The following KATNAL1 variants were observed in gnomAD, a reference collection of about 807,000 sequenced individuals.
KATNAL1 encodes the protein katanin p60 ATPase-containing subunit A-like 1.
In KATNAL1, 32 loss-of-function variants were observed where a neutral mutation model predicts 55.2. The observed-to-expected ratio is 0.58, with a 90% confidence interval of 0.44 to 0.78. The LOEUF is 0.78. Among genes scored for constraint, KATNAL1 ranks in the 30% least tolerant of loss-of-function variants. The pLI, the probability that KATNAL1 is intolerant of heterozygous loss-of-function variation, is 0.00. For synonymous variants in KATNAL1, 193 were observed against 193.6 expected, an observed-to-expected ratio of 1.00 and a Z score of 0.02; for missense variants, 466 against 600.9, an observed-to-expected ratio of 0.78 and a Z score of 2.35.
intron 9 of KATNAL1, among the ~76,000 whole-genome samples, chr13:30,224,490 T>G (rs1238689997): frequency 6.6e-6 from 1 of 151,022 alleles, no homozygotes; most frequent in East Asian, 1.9e-4. Flanking sequence ...GCTAAGATCA[T>G]GCCACTGAAC....
intron 6 of KATNAL1, among the ~76,000 whole-genome samples, chr13:30,233,226 CCAGAACA>C (rs2137401778): frequency 6.6e-6 from 1 of 152,234 alleles, no homozygotes; most frequent in South Asian, 2.1e-4. Context: ...GGATTAGTAA[CCAGAACA>C]CATAAGCAGC....
At chr13:30,262,676 T>C (rs1300271585) in intron 3 of KATNAL1, among the ~76,000 whole-genome samples, 8 of 151,834 alleles carry the variant, frequency 5.3e-5, no homozygotes, top group South Asian at 2.1e-4. Flanking sequence ...CAGGAAGAAG[T>C]TGAATCTCTG....
intron 3 of KATNAL1, among the ~76,000 whole-genome samples, chr13:30,274,907 G>GCGCA (rs869107567): frequency 0.01 from 1,104 of 105,372 alleles, 7 homozygotes; most frequent in East Asian, 0.027. Context: ...GCGCGCGCGC[G>GCGCA]CACACACACA....
At chr13:30,270,030 G>A (rs1177085342) in intron 3 of KATNAL1, among the ~76,000 whole-genome samples, 4 of 125,896 alleles carry the variant, frequency 3.2e-5, no homozygotes, top group Admixed American at 1.5e-4. Context: ...AGGTGGGGGT[G>A]TCAGCCCCCC....
intron 4 of KATNAL1, among the ~76,000 whole-genome samples, chr13:30,252,432 T>C (rs1878405631): frequency 6.6e-6 from 1 of 152,098 alleles, no homozygotes; most frequent in African/African-American, 2.4e-5. Flanking sequence ...TTATCCTCAA[T>C]TTTTTTTACA....
At chr13:30,255,189 G>A (rs755222479) in intron 4 of KATNAL1, among the ~76,000 whole-genome samples, 11 of 151,848 alleles carry the variant, frequency 7.2e-5, no homozygotes, top group East Asian at 1.9e-4. Flanking sequence ...TTTTAAAGCC[G>A]TATTTTTTCT....
intron 3 of KATNAL1, among the ~76,000 whole-genome samples, chr13:30,275,861 A>G (rs1880802522): frequency 6.6e-6 from 1 of 152,182 alleles, no homozygotes; most frequent in African/African-American, 2.4e-5. Context: ...ATACCTCAAT[A>G]AAGTTGGGGG....
chr13:30,265,594 T>C (rs75174496), intron 3 of KATNAL1, among the ~76,000 whole-genome samples: 3,458 of 152,104 alleles, frequency 0.023, 69 homozygotes, highest in Non-Finnish European at 0.035. Flanking sequence ...ATTCAACTTA[T>C]TAAATTTAAC....
At chr13:30,210,629 C>G in intron 9 of KATNAL1, 187 bp from the exon 10 acceptor site, 1 of 232,972 alleles carries the variant, frequency 4.3e-6, no homozygotes, top group East Asian at 7.8e-5. Flanking sequence ...CTATGTGCCT[C>G]TGTTGCAGTA....
Position 30,205,750 on chromosome 13 carries a change from C to CTGTGTGTGTGTGTG in KATNAL1, c.*2776_*2789dup, listed in dbSNP as rs143277319. ...AACACACTGTCTTCTGCAATAAAGA[C>CTGTGTGTGTGTGTG]TGTGTGTGTGTGTGTGTGTGTGTGT... is the stretch of plus-strand genomic sequence containing the variant. On this transcript the variant is annotated 3_prime_UTR_variant, in exon 11 of 11. Transcript: ENST00000380615. The CTGTGTGTGTGTGTG allele has an allele frequency of 3.6e-5, 5 of 137,402 alleles. No homozygotes were observed. The highest frequency in any genetic ancestry group is 7.8e-5 in the Non-Finnish European group (5 of 64,246). The allele number at this position is 137,402 out of a possible 1,614,324, so 8.5% of individuals were successfully genotyped here. A position where few individuals can be genotyped will look rare whatever the true frequency, so the allele number is the denominator to read the frequency against.
intron 4 of KATNAL1, among the ~76,000 whole-genome samples, chr13:30,243,948 T>C (rs778016566): frequency 1.6e-4 from 24 of 152,170 alleles, no homozygotes; most frequent in Non-Finnish European, 3.1e-4. Context: ...TTTTAAATTA[T>C]ACTTTAAGTT....
chr13:30,241,097 GT>G lies in KATNAL1; in HGVS notation c.493-12del, dbSNP rs1488284890. ...CATATTCTTCCTTCCCTGGGGATAGGTATAAAAAAAAAGTACTAGTCAGTAA... is the reference window on the plus strand; with the variant it reads ...CATATTCTTCCTTCCCTGGGGATAGGATAAAAAAAAAGTACTAGTCAGTAA... On this transcript the variant is annotated splice_polypyrimidine_tract_variant and intron_variant, in intron 4 of 10. Coordinates refer to ENST00000380615, the MANE Select transcript of KATNAL1 (RefSeq NM_032116.5). 1 of 1,605,558 alleles carries G rather than the reference GT, an allele frequency of 6.2e-7. No homozygotes were observed. The highest frequency in any genetic ancestry group is 2.2e-5 in the East Asian group (1 of 44,770).
chr13:30,282,675 C>T (rs2137535911), intron 2 of KATNAL1, among the ~76,000 whole-genome samples: 1 of 150,880 alleles, frequency 6.6e-6, no homozygotes, highest in East Asian at 2.0e-4. Context: ...AAGAAAGAGG[C>T]CTGGCGTGGT....
rs1566078074 is a variant in KATNAL1 at position 30,205,749 on chromosome 13, AC to A, written c.*2790del. On this transcript the variant is annotated 3_prime_UTR_variant, in exon 11 of 11. Transcript: ENST00000380615. ...CAACACACTGTCTTCTGCAATAAAG[AC>A]TGTGTGTGTGTGTGTGTGTGTGTGT... is the stretch of plus-strand genomic sequence containing the variant. 1.7e-5 allele frequency: 2 copies of A among 114,874 alleles called. No individual in the cohort carries two copies. The highest frequency in any genetic ancestry group is 9.0e-5 in the African/African-American group (2 of 22,236). The allele number at this position is 114,874 out of a possible 1,614,324, so 7.1% of individuals were successfully genotyped here.
At chr13:30,215,805 T>C (rs1298739398) in intron 9 of KATNAL1, among the ~76,000 whole-genome samples, 1 of 151,986 alleles carries the variant, frequency 6.6e-6, no homozygotes, top group Non-Finnish European at 1.5e-5. Flanking sequence ...GGGATAGCAT[T>C]AGAAGATACA....
chr13:30,293,826 G>A (rs1882299461), intron 1 of KATNAL1, among the ~76,000 whole-genome samples: 1 of 152,150 alleles, frequency 6.6e-6, no homozygotes, highest in Admixed American at 6.5e-5. Flanking sequence ...CATCCAGCAA[G>A]TCTACCGGTG....
intron 1 of KATNAL1, chr13:30,296,164 G>A (rs371504640): frequency 4.9e-5 from 28 of 574,262 alleles, no homozygotes; most frequent in South Asian, 2.0e-4. Flanking sequence ...CAGGTAATGC[G>A]TGCATGGGAA....
chr13:30,259,791 G>T (rs1023415314), intron 3 of KATNAL1, among the ~76,000 whole-genome samples: 1 of 152,198 alleles, frequency 6.6e-6, no homozygotes, highest in African/African-American at 2.4e-5. Flanking sequence ...CAGCAAGGCT[G>T]GGGGAGGGGC....
intron 3 of KATNAL1, among the ~76,000 whole-genome samples, chr13:30,274,868 G>A (rs984957736): frequency 6.7e-6 from 1 of 149,952 alleles, no homozygotes; most frequent in Non-Finnish European, 1.5e-5. Context: ...TATATGTTGG[G>A]GGCGGGGTGT....
Sources: allele counts gnomAD v4.1 joint callset (sites outside exome capture counted in the v4.1 genomes callset), GRCh38; gene constraint gnomAD v4.1.1; transcripts MANE v1.5; gene names NCBI Gene and HGNC (gene_info 2026-07-23, HGNC 2026-07-21).